The following TRDN variants were observed in gnomAD, a reference collection of about 807,000 sequenced individuals.
TRDN encodes triadin in skeletal muscle.
A neutral mutation model predicts 149.7 loss-of-function variants in TRDN; 161 were observed. The observed-to-expected ratio is 1.08, with a 90% CI of 0.95 to 1.23. TRDN has a LOEUF of 1.23. TRDN is among the 50% of genes most tolerant of loss of function. TRDN has a pLI of 0.00. For synonymous variants in TRDN, 294 were observed against 250.5 expected (o/e 1.17, Z -1.64); for missense variants, 896 against 823.5 (o/e 1.09, Z -1.08).
At chr6:123,384,715 A>C (rs1446468977) in intron 14 of TRDN, among the ~76,000 whole-genome samples, 1 of 152,204 alleles carries the variant, frequency 6.6e-6, no homozygotes, top group Non-Finnish European at 1.5e-5. Flanking sequence ...GTCCAGGGTC[A>C]GGCAAATGAA....
chr6:123,382,161 G>C lies in TRDN; in HGVS notation c.1136-14C>G. ...TTTTCTTGGAATCTGAAAACACAAA[G>C]ATAAATTATTAATAAAACAGATACA... On this transcript the variant is annotated splice_polypyrimidine_tract_variant and intron_variant, in intron 14 of 40. Coordinates refer to ENST00000334268, the MANE Select transcript of TRDN (RefSeq NM_006073.4). 2.0e-6 allele frequency: 3 copies of C among 1,486,366 alleles called. No homozygotes were observed. Among genetic ancestry groups the C allele is most frequent in the Non-Finnish European group, 2.7e-6 (3 of 1,112,356 alleles). The allele number at this position is 1,486,366 out of a possible 1,614,324, so 92.1% of individuals were successfully genotyped here.
chr6:123,375,325 A>G (rs1454864015), intron 19 of TRDN, among the ~76,000 whole-genome samples: 1 of 152,176 alleles, frequency 6.6e-6, no homozygotes, highest in African/African-American at 2.4e-5. Context: ...TGAAGAGTTC[A>G]CTTATTATAC....
chr6:123,310,304 A>ATAGG (rs1321035193), intron 24 of TRDN, among the ~76,000 whole-genome samples: 1 of 152,046 alleles, frequency 6.6e-6, no homozygotes, highest in Non-Finnish European at 1.5e-5. Flanking sequence ...GAATTGCTTG[A>ATAGG]TAGGTACTAT....
At chr6:123,516,080 G>T (rs935045559) in intron 6 of TRDN, 61 bp downstream of exon 6, 69 of 1,375,158 alleles carry the variant, frequency 5.0e-5, no homozygotes, top group Non-Finnish European at 6.5e-5. Flanking sequence ...TGAATGTAAA[G>T]AGTAGGAAGT....
At chr6:123,313,557 C>T (rs1184409008) in intron 24 of TRDN, among the ~76,000 whole-genome samples, 1 of 151,770 alleles carries the variant, frequency 6.6e-6, no homozygotes, top group Non-Finnish European at 1.5e-5. Flanking sequence ...CACTCCAATC[C>T]CTAGTCACCT....
chr6:123,413,971 G>A (rs1231844717), intron 12 of TRDN, among the ~76,000 whole-genome samples: 1 of 151,938 alleles, frequency 6.6e-6, no homozygotes, highest in Non-Finnish European at 1.5e-5. Flanking sequence ...AGGTTCAAGG[G>A]GTAACTAGTT....
chr6:123,255,025 A>C, intron 37 of TRDN, 56 bp downstream of exon 37: 1 of 979,552 alleles, frequency 1.0e-6, no homozygotes, highest in African/African-American at 1.6e-5. Context: ...ATATTAAGCA[A>C]CAACATAATT....
intron 1 of TRDN, among the ~76,000 whole-genome samples, chr6:123,635,647 T>C (rs184010233): frequency 6.6e-6 from 1 of 152,140 alleles, no homozygotes. Flanking sequence ...CAGAAATTAC[T>C]GTGTGTCCAT....
At chr6:123,482,822 C>G (rs1430584584) in intron 9 of TRDN, among the ~76,000 whole-genome samples, 1 of 151,914 alleles carries the variant, frequency 6.6e-6, no homozygotes, top group Non-Finnish European at 1.5e-5. Context: ...TGGATGGTTA[C>G]AATAGAAAGT....
intron 1 of TRDN, among the ~76,000 whole-genome samples, chr6:123,588,497 A>G (rs1437455929): frequency 1.3e-5 from 2 of 152,196 alleles, no homozygotes; most frequent in African/African-American, 4.8e-5. Context: ...GAGAGGAAGG[A>G]GCCATTCAGT....
At chr6:123,474,125 C>T (rs898774092) in intron 9 of TRDN, among the ~76,000 whole-genome samples, 12 of 151,112 alleles carry the variant, frequency 7.9e-5, no homozygotes, top group African/African-American at 2.9e-4. Context: ...GGACTAAATG[C>T]TCCAATTAAA....
chr6:123,590,247 C>T (rs1315203730), intron 1 of TRDN, among the ~76,000 whole-genome samples: 3 of 151,970 alleles, frequency 2.0e-5, no homozygotes, highest in Non-Finnish European at 4.4e-5. Flanking sequence ...AGATCAGCAG[C>T]GGCATTAGAT....
intron 10 of TRDN, among the ~76,000 whole-genome samples, chr6:123,450,024 A>C (rs1340306033): frequency 6.6e-6 from 1 of 152,220 alleles, no homozygotes; most frequent in Non-Finnish European, 1.5e-5. Flanking sequence ...ATACTGAGAG[A>C]ATTCGCCATT....
At chr6:123,298,568 A>G (rs758333789) in intron 24 of TRDN, among the ~76,000 whole-genome samples, 4 of 152,116 alleles carry the variant, frequency 2.6e-5, no homozygotes, top group Middle Eastern at 3.2e-3. Context: ...GAAATTCACT[A>G]GGCAAGGGAC....
Position 123,218,472 on chromosome 6 carries a change from C to T in TRDN, c.*129G>A. The T allele has an allele frequency of 8.7e-7, 1 of 1,145,066 alleles. No homozygotes were observed. 70.9% of individuals were successfully genotyped at this position (1,145,066 alleles called of 1,614,324 possible). On this transcript the variant is annotated 3_prime_UTR_variant, in exon 41 of 41. Transcript: ENST00000334268. ...CATTTGGCCACCCTTTCCGTCCACA[C>T]CAGGCCAAAGAGCAAAATGTTTTCA...
intron 19 of TRDN, among the ~76,000 whole-genome samples, chr6:123,373,712 G>A (rs528406594): frequency 6.6e-6 from 1 of 152,070 alleles, no homozygotes; most frequent in African/African-American, 2.4e-5. Flanking sequence ...CAACATTATG[G>A]AATTGCATCA....
chr6:123,409,545 T>A (rs1011839236), intron 12 of TRDN, among the ~76,000 whole-genome samples: 1 of 152,238 alleles, frequency 6.6e-6, no homozygotes, highest in Non-Finnish European at 1.5e-5. Context: ...AGGTATTCAT[T>A]CTTCCTACTT....
chr6:123,276,833 A>G (rs1296164002), intron 26 of TRDN, among the ~76,000 whole-genome samples: 2 of 152,142 alleles, frequency 1.3e-5, no homozygotes, highest in Non-Finnish European at 2.9e-5. Context: ...GATAAAATGA[A>G]GGGATAATGA....
chr6:123,314,713 G>A (rs1424857963), intron 24 of TRDN, among the ~76,000 whole-genome samples: 4 of 151,912 alleles, frequency 2.6e-5, no homozygotes, highest in Non-Finnish European at 4.4e-5. Context: ...TGGAACAAGG[G>A]CCATTATCCT....
Sources: gnomAD v4.1 joint callset for allele counts (sites outside exome capture counted in the v4.1 genomes callset) on GRCh38, gnomAD v4.1.1 for gene constraint, MANE v1.5 for transcripts, NCBI Gene and HGNC (gene_info 2026-07-23, HGNC 2026-07-21) for gene names.